The following INPPL1 variants were observed in gnomAD, a reference collection of about 807,000 sequenced individuals.
INPPL1 encodes inositol polyphosphate phosphatase like 1.
INPPL1 carries 91 observed loss-of-function variants against 139.3 expected under a neutral mutation model. The observed-to-expected ratio is 0.65, with a 90% CI of 0.55 to 0.78. INPPL1 has a LOEUF of 0.78. Among genes scored for constraint, INPPL1 ranks in the 30% least tolerant of loss-of-function variants. The pLI, the probability that INPPL1 is intolerant of heterozygous loss-of-function variation, is 0.00. For synonymous variants in INPPL1, 719 were observed against 686.6 expected (o/e 1.05, Z -0.74); for missense variants, 1,411 against 1,665.6 (o/e 0.85, Z 2.66).
intron 1 of INPPL1, 121 bp downstream of exon 1, chr11:72,225,287 C>G: frequency 8.2e-7 from 1 of 1,221,148 alleles, no homozygotes; most frequent in Non-Finnish European, 1.0e-6. Context: ...GCCTCCACCC[C>G]CCAGAGTGGG....
rs759493505 is a variant in INPPL1, at chr11:72,237,468, C to T, written c.3224C>T (p.Pro1075Leu). The T allele has an allele frequency of 1.2e-6, 2 of 1,610,100 alleles. No individual in the cohort carries two copies. The highest frequency in any genetic ancestry group is 2.7e-5 in the African/African-American group (2 of 74,880). Residue 1075 changes from proline to leucine, a missense_variant, in exon 26 of 28, where the codon CCA becomes CTA. Transcript: ENST00000298229. ...CCCAGCCTGGATCCTTTACCAGGGC[C>T]AGTGGTCCGGGGCCGTGGTGGGGCT... Reference protein sequence around the residue: ...LPPSLDPLPGPVVRGRGGAEA... With the variant: ...LPPSLDPLPGLVVRGRGGAEA...
At chr11:72,233,942 G>A (rs1948909468) in intron 19 of INPPL1, among the ~76,000 whole-genome samples, 198 bp downstream of exon 19, 1 of 152,180 alleles carries the variant, frequency 6.6e-6, no homozygotes, top group South Asian at 2.1e-4. Flanking sequence ...GCCCATGAGT[G>A]TGTGTGCATA....
chr11:72,227,986 C>CAG, intron 1 of INPPL1: 2 of 458,262 alleles, frequency 4.4e-6, no homozygotes, highest in Non-Finnish European at 7.8e-6. Context: ...CGGGGGTGTT[C>CAG]TGGTCATTCC....
At position 72,229,775 on chromosome 11, in the gene INPPL1, AC is replaced by A. The variant is rs768343273; in HGVS notation, c.843+28del. 1.2e-5 allele frequency: 20 copies of A among 1,606,154 alleles called. No individual in the cohort carries two copies. In the East Asian group the frequency reaches 3.6e-4, roughly 29 times the overall value. The stretch of plus-strand genomic sequence containing the variant: ...AAGGTGGCATGATCTCTGACCCTTG[AC>A]CCCCGATTCACTGGCCACTGTCATT... On this transcript the variant is annotated intron_variant, in intron 7 of 27. Coordinates refer to ENST00000298229, the MANE Select transcript of INPPL1 (RefSeq NM_001567.4).
rs555364129 is a variant in INPPL1, at chr11:72,233,179, G to A, written c.2040+16G>A. On this transcript the variant is annotated intron_variant, in intron 17 of 27. Coordinates refer to ENST00000298229, the MANE Select transcript of INPPL1 (RefSeq NM_001567.4). ...GCCAACTGGGGTGAGCCAAGAAAAC[G>A]GCATGGGCCTTGGGGGACCGCAGGC... 98 of 1,610,474 alleles carry A rather than the reference G, an allele frequency of 6.1e-5. No homozygotes were observed. Among genetic ancestry groups the A allele is most frequent in the South Asian group, 2.6e-4 (24 of 90,782 alleles).
Position 72,238,080 on chromosome 11 carries a change from C to G in INPPL1, c.3591C>G (p.Gly1197=). 1 of 1,574,180 alleles carries G rather than the reference C, an allele frequency of 6.4e-7. No homozygotes were observed. Among genetic ancestry groups the G allele is most frequent in the Non-Finnish European group, 8.6e-7 (1 of 1,159,970 alleles). ...AGGGCGGGCGGGCCAGCGGGCTGGG[C>G]GAGGCAGGCATGAGTGCCTGGCTGC... is the stretch of plus-strand genomic sequence containing the variant. ...CLQGGRASGL[G]EAGMSAWLRA... is the part of the protein sequence containing the mutation. The change falls in exon 27 of 28, where the codon GGC becomes GGG. Residue 1197 remains glycine (G), a synonymous_variant. Coordinates refer to ENST00000298229, the MANE Select transcript of INPPL1 (RefSeq NM_001567.4).
At chr11:72,227,914 C>A in intron 1 of INPPL1, 1 of 500,378 alleles carries the variant, frequency 2.0e-6, no homozygotes, top group South Asian at 2.1e-5. Flanking sequence ...AAAGAGCTCC[C>A]TGTTGCTTCT....
Position 72,225,024 on chromosome 11 carries a change from C to G in INPPL1, c.40C>G (p.Leu14Val). The change falls in exon 1 of 28, where the codon CTG (leucine) becomes GTG (valine). Residue 14 changes from leucine (L) to valine (V), a missense_variant. Physicochemically the swap from Leu to Val is conservative, Grantham distance 32 (BLOSUM62 1). Transcript: ENST00000298229. ...CGGGGCGCCGGGCCCGGGGGGCGCC[C>G]TGGGCAGCCAGGCCCCCTCCTGGTA... Reference protein sequence around the residue: ...ACGAPGPGGALGSQAPSWYHR... With the variant: ...ACGAPGPGGAVGSQAPSWYHR... 3 of 1,221,158 alleles carry G rather than the reference C, an allele frequency of 2.5e-6. No homozygotes were observed. Among genetic ancestry groups the G allele is most frequent in the Non-Finnish European group, 3.1e-6 (3 of 981,604 alleles). The allele number at this position is 1,221,158 out of a possible 1,614,324, so 75.6% of individuals were successfully genotyped here. A position where few individuals can be genotyped will look rare whatever the true frequency, so the allele number is the denominator to read the frequency against.
intron 1 of INPPL1, chr11:72,227,888 A>G: frequency 2.2e-6 from 1 of 451,118 alleles, no homozygotes; most frequent in Non-Finnish European, 4.1e-6. Flanking sequence ...CTGTTTAGAC[A>G]GCTGTGGAGG....
At position 72,230,861 on chromosome 11, in the gene INPPL1, C is replaced by G; in HGVS notation, c.1263C>G (p.Pro421=). Residue 421 remains proline (P), a synonymous_variant, in exon 11 of 28, where the codon CCC becomes CCG. Coordinates refer to ENST00000298229, the MANE Select transcript of INPPL1 (RefSeq NM_001567.4). ...ACAAGCACTCCAAGCAGGACGAGCC[C>G]GACATGATCTCAGTCTTCATAGGCA... ...MKNKHSKQDE[P]DMISVFIGTW... is the part of the protein sequence containing the mutation. 1 of 1,613,942 alleles carries G rather than the reference C, an allele frequency of 6.2e-7. No homozygotes were observed. The highest frequency in any genetic ancestry group is 8.5e-7 in the Non-Finnish European group (1 of 1,179,976).
chr11:72,238,505 C>T lies in INPPL1; in HGVS notation c.*152C>T. 1.7e-6 allele frequency: 1 copy of T among 595,998 alleles called. No individual in the cohort carries two copies. The highest frequency in any genetic ancestry group is 2.9e-5 in the South Asian group (1 of 34,428). 36.9% of individuals were successfully genotyped at this position (595,998 alleles called of 1,614,324 possible). A position where few individuals can be genotyped will look rare whatever the true frequency, so the allele number is the denominator to read the frequency against. ...ATTTATTGGGGATCTGCATTCCCCGCTGCCCAATCATTTGCAATGCCCTAA... is the reference window on the plus strand; with the variant it reads ...ATTTATTGGGGATCTGCATTCCCCGTTGCCCAATCATTTGCAATGCCCTAA... On this transcript the variant is annotated 3_prime_UTR_variant, in exon 28 of 28. Coordinates refer to ENST00000298229, the MANE Select transcript of INPPL1 (RefSeq NM_001567.4).
intron 1 of INPPL1, chr11:72,227,938 G>A: frequency 1.9e-6 from 1 of 535,454 alleles, no homozygotes; most frequent in Middle Eastern, 5.1e-4. Context: ...GCCCTGCCCT[G>A]TGGTGGGTGT....
At chr11:72,226,093 C>G (rs1291201952) in intron 1 of INPPL1, among the ~76,000 whole-genome samples, 1 of 152,008 alleles carries the variant, frequency 6.6e-6, no homozygotes, top group Non-Finnish European at 1.5e-5. Context: ...CCCTCCCAAA[C>G]TCCTGTCCCA....
At position 72,235,860 on chromosome 11, in the gene INPPL1, A is replaced by C. The variant is rs768318777; in HGVS notation, c.2753A>C (p.Lys918Thr). The C allele has an allele frequency of 1.2e-6, 2 of 1,612,938 alleles. No individual in the cohort carries two copies. Among genetic ancestry groups the C allele is most frequent in the Non-Finnish European group, 1.7e-6 (2 of 1,179,530 alleles). ...ATCCCTGGCAGGTCAGGGAGCCGCA[A>C]GCCAGCCTTCACAGAGGCCTCCTGC... ...GSQEPRSGSRKPAFTEASCPL... is the reference protein window; with the variant it reads ...GSQEPRSGSRTPAFTEASCPL... The change falls in exon 25 of 28, where the codon AAG becomes ACG. Residue 918 changes from lysine to threonine, a missense_variant. Lys to Thr is a moderately conservative substitution (Grantham distance 78, BLOSUM62 -1). Around this residue, in one of 5 missense-constraint regions of INPPL1, gnomAD observed 99 missense variants for 171.6 expected, o/e 0.58. Transcript: ENST00000298229. The surrounding 1 kb of genome is among the most constrained non-coding windows in gnomAD (Gnocchi z 4.9).
intron 7 of INPPL1, 81 bp from the exon 8 acceptor site, chr11:72,229,843 T>C: frequency 6.4e-7 from 1 of 1,560,394 alleles, no homozygotes; most frequent in African/African-American, 1.4e-5. Flanking sequence ...AACTTAACAT[T>C]GGCCCCAAGG....
rs756839519 is a variant in INPPL1, at chr11:72,234,573, C to G, written c.2373C>G (p.Ile791Met). ...ATGATGCCCAGAGCAGTGACAACAT[C>G]AACTTCCTCAAAGTGCAGTGGTCTT... ...FENDAQSSDNINFLKVQWSSR... is the reference protein window; with the variant it reads ...FENDAQSSDNMNFLKVQWSSR... The change falls in exon 21 of 28, where the codon ATC becomes ATG. Residue 791 changes from isoleucine (I) to methionine (M), a missense_variant. Transcript: ENST00000298229. This position sits in a 1 kb window ranked among gnomAD's most constrained non-coding sequence, Gnocchi z 4.2. The G allele has an allele frequency of 1.2e-6, 2 of 1,612,004 alleles. No individual in the cohort carries two copies. Among genetic ancestry groups the G allele is most frequent in the Non-Finnish European group, 1.7e-6 (2 of 1,178,550 alleles).
rs1440729335 is a variant in INPPL1, at chr11:72,235,669, C to G, written c.2660-6C>G. On this transcript the variant is annotated splice_polypyrimidine_tract_variant and splice_region_variant and intron_variant, in intron 23 of 27. Transcript: ENST00000298229. The surrounding 1 kb of genome is among the most constrained non-coding windows in gnomAD (Gnocchi z 4.9). Reference sequence around the variant, plus strand: ...CTCCTCTGAGTCTCCCTTCCTGCCCCCTCAGAGTGGATCAGCATTGATAAG... The same window carrying G: ...CTCCTCTGAGTCTCCCTTCCTGCCCGCTCAGAGTGGATCAGCATTGATAAG... 3.1e-6 allele frequency: 5 copies of G among 1,613,816 alleles called. No homozygotes were observed. Among genetic ancestry groups the G allele is most frequent in the Non-Finnish European group, 4.2e-6 (5 of 1,179,910 alleles).
In INPPL1 at chr11:72,235,570, A is replaced by C; in HGVS notation, c.2660-105A>C. ...AGGTTCTGCAGCCACAGCTGGGAAT[A>C]GTCCTGCCCCAAGGCATAGCTGGGA... On this transcript the variant is annotated intron_variant, in intron 23 of 27. Transcript: ENST00000298229. This position sits in a 1 kb window ranked among gnomAD's most constrained non-coding sequence, Gnocchi z 4.9. 1.3e-6 allele frequency: 2 copies of C among 1,563,794 alleles called. No homozygotes were observed. The highest frequency in any genetic ancestry group is 1.7e-6 in the Non-Finnish European group (2 of 1,145,528).
In INPPL1 at chr11:72,238,523, T is replaced by G; in HGVS notation, c.*170T>G. On this transcript the variant is annotated 3_prime_UTR_variant, in exon 28 of 28. Coordinates refer to ENST00000298229, the MANE Select transcript of INPPL1 (RefSeq NM_001567.4). Reference sequence around the variant, plus strand: ...TTCCCCGCTGCCCAATCATTTGCAATGCCCTAATTAGGGCATCCTGCCCCT... The same window carrying G: ...TTCCCCGCTGCCCAATCATTTGCAAGGCCCTAATTAGGGCATCCTGCCCCT... The G allele has an allele frequency of 1.9e-6, 1 of 531,860 alleles. No homozygotes were observed. The highest frequency in any genetic ancestry group is 3.4e-5 in the South Asian group (1 of 29,360). 32.9% of individuals were successfully genotyped at this position (531,860 alleles called of 1,614,324 possible).
Sources: gnomAD v4.1 joint callset for allele counts (sites outside exome capture counted in the v4.1 genomes callset) on GRCh38, gnomAD v4.1.1 for gene constraint, gnomAD v4.1.1 regional missense constraint, Gnocchi (gnomAD v3.1) non-coding constraint, MANE v1.5 for transcripts, NCBI Gene and HGNC (gene_info 2026-07-23, HGNC 2026-07-21) for gene names.